The following GLOD4 variants were observed in gnomAD, a reference collection of about 807,000 sequenced individuals.
GLOD4 encodes the protein glyoxalase domain-containing protein 4.
A neutral mutation model predicts 39.1 loss-of-function variants in GLOD4; 44 were observed. That is an observed-to-expected ratio of 1.13 (90% confidence interval 0.88 to 1.45). The LOEUF is 1.45. Among genes scored for constraint, GLOD4 ranks in the 40% most tolerant of loss-of-function variants. The pLI is 0.00. For missense variants in GLOD4, 405 were observed against 366.4 expected (o/e 1.11, Z -0.86); for synonymous variants, 145 against 135.0 (o/e 1.07, Z -0.52).
intron 8 of GLOD4, among the ~76,000 whole-genome samples, chr17:761,999 T>A (rs1905531812): frequency 6.6e-6 from 1 of 152,172 alleles, no homozygotes; most frequent in African/African-American, 2.4e-5. Flanking sequence ...AAATGTCACA[T>A]GCTCTGTCAG....
intron 8 of GLOD4, among the ~76,000 whole-genome samples, chr17:761,796 G>T (rs191724377): frequency 6.6e-6 from 1 of 152,186 alleles, no homozygotes; most frequent in Non-Finnish European, 1.5e-5. Flanking sequence ...GAGCCATCGC[G>T]CCCGGCTGAA....
At chr17:775,635 C>T in intron 4 of GLOD4, 140 bp downstream of exon 4, 1 of 672,434 alleles carries the variant, frequency 1.5e-6, no homozygotes. Flanking sequence ...TGTAGTCTCT[C>T]CGATAACAGG....
intron 5 of GLOD4, 89 bp downstream of exon 5, chr17:771,236 C>A: frequency 1.3e-6 from 1 of 743,070 alleles, no homozygotes; most frequent in South Asian, 2.0e-5. Flanking sequence ...TTCATGTTAA[C>A]TTCATTTATA....
upstream of GLOD4, chr17:782,790 G>A (rs565365264): frequency 3.1e-6 from 4 of 1,303,996 alleles, no homozygotes; most frequent in African/African-American, 4.5e-5. Context: ...TTCCAGTACA[G>A]CCCGCTGGTT....
At chr17:761,551 C>G (rs575631057) in intron 8 of GLOD4, among the ~76,000 whole-genome samples, 57 of 152,312 alleles carry the variant, frequency 3.7e-4, no homozygotes, top group Non-Finnish European at 7.1e-4. Context: ...GTCGCCCAGG[C>G]TGGAGTGCAA....
At chr17:778,543 C>T (rs1909330214) in intron 2 of GLOD4, 152 bp downstream of exon 2, 1 of 671,466 alleles carries the variant, frequency 1.5e-6, no homozygotes, top group Non-Finnish European at 2.7e-6. Context: ...TGCAGAGAAA[C>T]AGTATGTGTT....
At chr17:766,425 G>A (rs533948809) in intron 8 of GLOD4, among the ~76,000 whole-genome samples, 91 of 149,242 alleles carry the variant, frequency 6.1e-4, no homozygotes, top group African/African-American at 2.0e-3. Context: ...GTGAAGCCCC[G>A]TCTCTACTAA....
At chr17:779,855 G>C (rs990835515) in intron 1 of GLOD4, among the ~76,000 whole-genome samples, 1 of 151,854 alleles carries the variant, frequency 6.6e-6, no homozygotes, top group Non-Finnish European at 1.5e-5. Flanking sequence ...CCAACGCTTC[G>C]CTCAGACTAT....
intron 2 of GLOD4, chr17:777,364 G>A (rs1256812458): frequency 4.5e-5 from 8 of 177,238 alleles, no homozygotes; most frequent in African/African-American, 1.6e-4. Flanking sequence ...AGAGATGGAC[G>A]GGCGTGGTGG....
upstream of GLOD4, among the ~76,000 whole-genome samples, chr17:784,589 A>G (rs781160188): frequency 2.9e-4 from 44 of 151,772 alleles, no homozygotes; most frequent in Middle Eastern, 3.4e-3. Context: ...ACAGTGGCCA[A>G]CCCATCTTGA....
rs185834868 is a variant in GLOD4 at position 771,830 on chromosome 17, C to A, written c.407-369G>T. 1.0e-3 allele frequency among the ~76,000 whole-genome samples: 152 copies of A among 152,158 alleles called. 2 individuals are homozygous for A. Among genetic ancestry groups the A allele is most frequent in the African/African-American group, 3.6e-3 (149 of 41,500 alleles). On this transcript the variant is annotated intron_variant, in intron 4 of 8. Transcript: ENST00000301329. ...GACCAGCCTGGCCAACATGGCAAAA[C>A]CCTGTCTCTACTAAAAATAAAAAAT...
At chr17:782,289 T>C (rs779912872), upstream of GLOD4, 9 of 1,611,968 alleles carry the variant, frequency 5.6e-6, no homozygotes, top group Admixed American at 1.7e-5. Flanking sequence ...ACGCGCACCG[T>C]ACAGCCCAGT....
intron 1 of GLOD4, among the ~76,000 whole-genome samples, chr17:779,054 C>A (rs1909417491): frequency 6.6e-6 from 1 of 152,054 alleles, no homozygotes; most frequent in African/African-American, 2.4e-5. Flanking sequence ...GTGACTCACG[C>A]CTATAATACC....
Position 770,108 on chromosome 17 carries a change from G to C in GLOD4, c.680C>G (p.Thr227Ser). The part of the protein sequence containing the change: ...LMKRENQKIL[T>S]PLVSLDTPGK... Reference sequence around the variant, plus strand: ...TGGGGTGTCCAGGCTCACCAGGGGAGTCAGAATCTTCTGGTTCTCCCTTTT... The same window carrying C: ...TGGGGTGTCCAGGCTCACCAGGGGACTCAGAATCTTCTGGTTCTCCCTTTT... The change falls in exon 7 of 9, where the codon ACT (threonine) becomes AGT (serine). Residue 227 changes from threonine to serine, a missense_variant. By Grantham distance (58) the Thr-to-Ser change is moderately conservative (BLOSUM62 1). Transcript: ENST00000301329. 1 of 1,612,876 alleles carries C rather than the reference G, an allele frequency of 6.2e-7. No individual in the cohort carries two copies. Among genetic ancestry groups the C allele is most frequent in the Non-Finnish European group, 8.5e-7 (1 of 1,178,926 alleles).
chr17:768,123 C>T (rs1907046569), intron 8 of GLOD4, among the ~76,000 whole-genome samples: 1 of 148,720 alleles, frequency 6.7e-6, no homozygotes, highest in Non-Finnish European at 1.5e-5. Context: ...GAGAGAGAAA[C>T]AGCGTGCACT....
chr17:782,145 C>A, intron 1 of GLOD4, 21 bp downstream of exon 1: 1 of 1,562,668 alleles, frequency 6.4e-7, no homozygotes, highest in Non-Finnish European at 8.7e-7. Flanking sequence ...CGCGCCAGCC[C>A]CTGTCGGCCC....
At chr17:776,590 C>G (rs1419739623) in intron 3 of GLOD4, among the ~76,000 whole-genome samples, 1 of 152,222 alleles carries the variant, frequency 6.6e-6, no homozygotes, top group Non-Finnish European at 1.5e-5. Context: ...CTGCCGACCC[C>G]ATCTCTTACC....
upstream of GLOD4, chr17:783,519 T>A: frequency 2.0e-6 from 1 of 502,670 alleles, no homozygotes; most frequent in Non-Finnish European, 3.4e-6. Flanking sequence ...GTATTTTTAG[T>A]AGAGGTGGGG....
chr17:770,559 C>T (rs542652313), intron 5 of GLOD4, 52 bp from the exon 6 acceptor site: 138 of 830,912 alleles, frequency 1.7e-4, no homozygotes, highest in South Asian at 1.6e-3. Flanking sequence ...ATTCATTACA[C>T]GTATGTGGTA....
Sources: allele counts gnomAD v4.1 joint callset (sites outside exome capture counted in the v4.1 genomes callset), GRCh38; gene constraint gnomAD v4.1.1; transcripts MANE v1.5; gene names NCBI Gene and HGNC (gene_info 2026-07-23, HGNC 2026-07-21).